ACYP2: variants seen among roughly 807,000 people sequenced by gnomAD.
The protein encoded by ACYP2 is acylphosphatase 2, also known as acylphosphatase-2.
ACYP2 carries 12 observed loss-of-function variants against 11.2 expected under a neutral mutation model. The ratio of observed to expected loss-of-function variants is 1.08; its 90% CI spans 0.69 to 1.74. The LOEUF is 1.74. Ranked by LOEUF, ACYP2 falls within the 40% of genes most tolerant of loss-of-function variation. ACYP2 has a pLI of 0.00. For synonymous variants in ACYP2, 43 were observed against 32.2 expected (o/e 1.33, Z -1.13); for missense variants, 134 against 101.9 (o/e 1.31, Z -1.35).
chr2:54,298,116 T>C (rs1689590595), intron 6 of ACYP2, among the ~76,000 whole-genome samples: 1 of 152,196 alleles, frequency 6.6e-6, no homozygotes, highest in Non-Finnish European at 1.5e-5. Flanking sequence ...CCATAATAAT[T>C]AGAATAGTTT....
At chr2:54,074,578 TTGTGTGTGTGTGTGTGTGTGTG>T (rs59845178) in intron 4 of ACYP2, among the ~76,000 whole-genome samples, 1 of 145,950 alleles carries the variant, frequency 6.9e-6, no homozygotes, top group African/African-American at 2.6e-5. Context: ...AGAACAGAAT[TTGTGTGTGTGTGTGTGTGTGTG>T]TGTGTGTGTG....
At chr2:54,249,025 G>A (rs1428083296) in intron 6 of ACYP2, among the ~76,000 whole-genome samples, 1 of 152,104 alleles carries the variant, frequency 6.6e-6, no homozygotes, top group Non-Finnish European at 1.5e-5. Flanking sequence ...AGTTCCATGT[G>A]AGTGGACTCT....
At chr2:54,123,425 A>C (rs546926488) in intron 4 of ACYP2, 3 of 398,630 alleles carry the variant, frequency 7.5e-6, no homozygotes, top group African/African-American at 6.2e-5. Flanking sequence ...GAAGGACTAC[A>C]TCATAGTCCT....
intron 6 of ACYP2, among the ~76,000 whole-genome samples, chr2:54,277,555 G>A (rs1222447472): frequency 1.3e-5 from 2 of 152,104 alleles, no homozygotes; most frequent in African/African-American, 4.8e-5. Flanking sequence ...GCATGCGCCT[G>A]TAATCCCAGC....
At chr2:54,046,167 CAAAAAAAAA>C (rs36114622) in intron 2 of ACYP2, among the ~76,000 whole-genome samples, 6 of 55,844 alleles carry the variant, frequency 1.1e-4, no homozygotes, top group African/African-American at 4.3e-4. Context: ...CAGACCCTGT[CAAAAAAAAA>C]AAAAAAAAAA....
intron 6 of ACYP2, among the ~76,000 whole-genome samples, chr2:54,218,937 T>A (rs534335244): frequency 6.6e-6 from 1 of 152,334 alleles, no homozygotes; most frequent in South Asian, 2.1e-4. Context: ...TATTATTAAC[T>A]GGGTGCTTTC....
intron 4 of ACYP2, among the ~76,000 whole-genome samples, chr2:54,090,862 G>A (rs1419879393): frequency 6.6e-6 from 1 of 152,126 alleles, no homozygotes; most frequent in African/African-American, 2.4e-5. Context: ...GATCTGTTAG[G>A]CAGCACTTGC....
intron 4 of ACYP2, among the ~76,000 whole-genome samples, chr2:54,131,709 G>A (rs978408184): frequency 1.3e-5 from 2 of 152,168 alleles, no homozygotes; most frequent in African/African-American, 2.4e-5. Flanking sequence ...GGTACCCTAC[G>A]AGATTTTAAT....
At chr2:54,275,393 T>G (rs1688507687) in intron 6 of ACYP2, among the ~76,000 whole-genome samples, 1 of 152,214 alleles carries the variant, frequency 6.6e-6, no homozygotes, top group Non-Finnish European at 1.5e-5. Context: ...ACTGACTATT[T>G]GAAATTGGCT....
intron 6 of ACYP2, among the ~76,000 whole-genome samples, chr2:54,219,421 T>A (rs1353203435): frequency 6.6e-6 from 1 of 152,102 alleles, no homozygotes; most frequent in Non-Finnish European, 1.5e-5. Context: ...GGTCTTTGAA[T>A]GCCACCGTGA....
intron 2 of ACYP2, among the ~76,000 whole-genome samples, chr2:54,039,257 A>AG (rs1675091438): frequency 9.7e-6 from 1 of 102,938 alleles, no homozygotes. Context: ...ATCGTGCTTT[A>AG]ATTTTTTTTT....
At chr2:54,211,557 G>C (rs1478419183) in intron 6 of ACYP2, among the ~76,000 whole-genome samples, 1 of 152,112 alleles carries the variant, frequency 6.6e-6, no homozygotes, top group Admixed American at 6.5e-5. Context: ...TTTATATCCA[G>C]TCCTGGCTAT....
intron 6 of ACYP2, among the ~76,000 whole-genome samples, chr2:54,151,428 A>T (rs1299639738): frequency 6.6e-6 from 1 of 152,220 alleles, no homozygotes; most frequent in Non-Finnish European, 1.5e-5. Flanking sequence ...ATTTCAAGGT[A>T]CTTTGCTAAT....
intron 6 of ACYP2, among the ~76,000 whole-genome samples, chr2:54,291,630 G>C (rs1041177973): frequency 1.3e-5 from 2 of 152,160 alleles, no homozygotes; most frequent in Admixed American, 6.5e-5. Flanking sequence ...ATTTGAATTT[G>C]GGACTGAGTT....
chr2:54,048,173 C>A (rs1187640266), intron 2 of ACYP2, among the ~76,000 whole-genome samples: 1 of 152,050 alleles, frequency 6.6e-6, no homozygotes, highest in African/African-American at 2.4e-5. Context: ...TGTCTGTAAT[C>A]CCAGCGCTTT....
intron 4 of ACYP2, among the ~76,000 whole-genome samples, 165 bp downstream of exon 1, chr2:54,115,921 G>A (rs1194508058): frequency 6.6e-6 from 1 of 150,782 alleles, no homozygotes; most frequent in Non-Finnish European, 1.5e-5. Context: ...AAACGCGCAT[G>A]CGCCCGAGGA....
chr2:54,090,357 GC>G (rs1317291771), intron 4 of ACYP2, among the ~76,000 whole-genome samples: 3 of 151,430 alleles, frequency 2.0e-5, no homozygotes, highest in South Asian at 2.1e-4. Context: ...TCGGCCAGGT[GC>G]AGTGGCTCAT....
intron 6 of ACYP2, among the ~76,000 whole-genome samples, chr2:54,216,601 A>G (rs979177701): frequency 8.6e-5 from 13 of 151,380 alleles, no homozygotes; most frequent in African/African-American, 3.2e-4. Context: ...GCAGTGGCGC[A>G]GTCTCAGCTC....
intron 6 of ACYP2, among the ~76,000 whole-genome samples, chr2:54,147,490 T>C (rs1681949273): frequency 2.6e-5 from 4 of 151,898 alleles, no homozygotes; most frequent in Admixed American, 6.6e-5. Context: ...CATCCTTTGG[T>C]TTACTGTATA....
Sources: gnomAD v4.1 joint callset for allele counts (sites outside exome capture counted in the v4.1 genomes callset) on GRCh38, gnomAD v4.1.1 for gene constraint, MANE v1.5 for transcripts, NCBI Gene and HGNC (gene_info 2026-07-23, HGNC 2026-07-21) for gene names.